FAM227B: variants seen among roughly 807,000 people sequenced by gnomAD.
FAM227B encodes the protein family with sequence similarity 227 member B.
Under a neutral mutation model 73.8 loss-of-function variants are expected in FAM227B, and 88 were observed. The ratio of observed to expected loss-of-function variants is 1.19; its 90% confidence interval spans 1.00 to 1.42. The LOEUF is 1.42. Among genes scored for constraint, FAM227B ranks in the 40% most tolerant of loss-of-function variants. The probability of loss-of-function intolerance (pLI) is 0.00; values close to 1 mark genes in which losing one functional copy is unlikely to be tolerated. For synonymous variants in FAM227B, 210 were observed against 190.5 expected, an observed-to-expected ratio of 1.10 and a Z score of -0.84; for missense variants, 632 against 590.9, an observed-to-expected ratio of 1.07 and a Z score of -0.72.
intron 11 of FAM227B, among the ~76,000 whole-genome samples, chr15:49,390,090 A>G (rs185265452): frequency 6.6e-6 from 1 of 152,186 alleles, no homozygotes; most frequent in Non-Finnish European, 1.5e-5. Flanking sequence ...GAAGATAAGT[A>G]TGAACACGGG....
intron 2 of FAM227B, among the ~76,000 whole-genome samples, chr15:49,613,706 TTGTA>T (rs1224915349): frequency 6.6e-6 from 1 of 152,152 alleles, no homozygotes; most frequent in Non-Finnish European, 1.5e-5. Flanking sequence ...TTATTATATA[TTGTA>T]TGTATCAAAA....
At chr15:49,405,541 T>C (rs932311079) in intron 11 of FAM227B, among the ~76,000 whole-genome samples, 2 of 152,192 alleles carry the variant, frequency 1.3e-5, no homozygotes, top group Non-Finnish European at 2.9e-5. Context: ...ATGTGGTCTA[T>C]TCTGTTATTA....
intron 10 of FAM227B, among the ~76,000 whole-genome samples, chr15:49,516,307 C>T (rs138868274): frequency 4.6e-5 from 7 of 152,056 alleles, no homozygotes; most frequent in South Asian, 2.1e-4. Context: ...CTCTTTTATC[C>T]GCACACTAAC....
intron 9 of FAM227B, among the ~76,000 whole-genome samples, chr15:49,549,720 T>C (rs1437033405): frequency 2.6e-5 from 4 of 152,078 alleles, no homozygotes; most frequent in East Asian, 1.9e-4. Context: ...TGTCTACCTC[T>C]TTCTACACAG....
At position 49,335,492 on chromosome 15, in the gene FAM227B, G is replaced by C. The variant is rs148287477; in HGVS notation, c.1276C>G (p.Pro426Ala). The C allele has an allele frequency of 6.8e-6, 11 of 1,612,072 alleles. No homozygotes were observed. The highest frequency in any genetic ancestry group is 9.3e-6 in the Non-Finnish European group (11 of 1,178,328). ...ATAACATCACGGTATGTTGGAGCAG[G>C]TAGTGTGCTAGGCTTATTATTAAGG... ...KLTKIFQEPL[P>A]APTYRDVIKE... Residue 426 changes from proline (P) to alanine (A), a missense_variant, in exon 14 of 16, where the codon CCT becomes GCT. By Grantham distance (27) the Pro-to-Ala change is conservative. Transcript: ENST00000299338.
intron 9 of FAM227B, among the ~76,000 whole-genome samples, chr15:49,542,168 G>C (rs1406243244): frequency 6.6e-6 from 1 of 151,940 alleles, no homozygotes; most frequent in Middle Eastern, 3.2e-3. Context: ...TACATGTGCA[G>C]GTTTCTTATA....
rs560479850 is a variant in FAM227B at position 49,589,630 on chromosome 15, T to G, written c.337+146A>C. On this transcript the variant is annotated intron_variant, in intron 4 of 15. Coordinates refer to ENST00000299338, the MANE Select transcript of FAM227B (RefSeq NM_152647.3). ...CTTTACTAACACAAAAAATAAGGAC[T>G]GGCCAGGTGCACTGGCTTATGCCTG... The G allele has an allele frequency of 1.3e-4, 76 of 597,980 alleles. 1 individual carries two copies. The East Asian group carries it at 2.2e-3, about 17-fold the overall frequency. 37.0% of individuals were successfully genotyped at this position (597,980 alleles called of 1,614,324 possible). A position where few individuals can be genotyped will look rare whatever the true frequency, so the allele number is the denominator to read the frequency against.
At chr15:49,615,832 A>G (rs2078255316) in intron 1 of FAM227B, among the ~76,000 whole-genome samples, 1 of 152,210 alleles carries the variant, frequency 6.6e-6, no homozygotes, top group South Asian at 2.1e-4. Context: ...CAAGAAATGG[A>G]CAAGGGAAGG....
In FAM227B at chr15:49,593,592, C is replaced by T. The variant is rs191470615; in HGVS notation, c.106-3585G>A. Among the ~76,000 whole-genome samples, 769 of 151,826 alleles carry T rather than the reference C, an allele frequency of 5.1e-3. 7 individuals carry two copies. The highest frequency in any genetic ancestry group is 0.018 in the African/African-American group (730 of 41,422). ...GTGTAGTCTTTTGTACCTCAACCCCCGAACCCTTCCCCCAAGTCCCCAAAG... is the reference window on the plus strand; with the variant it reads ...GTGTAGTCTTTTGTACCTCAACCCCTGAACCCTTCCCCCAAGTCCCCAAAG... On this transcript the variant is annotated intron_variant, in intron 3 of 15. Coordinates refer to ENST00000299338, the MANE Select transcript of FAM227B (RefSeq NM_152647.3).
intron 13 of FAM227B, among the ~76,000 whole-genome samples, chr15:49,356,216 AC>A (rs1362767629): frequency 2.0e-5 from 3 of 152,308 alleles, no homozygotes; most frequent in Non-Finnish European, 2.9e-5. Context: ...CATCATAATG[AC>A]AGGATCAAAT....
In FAM227B at chr15:49,371,302, C is replaced by G; in HGVS notation, c.1110G>C (p.Lys370Asn). 2 of 1,562,220 alleles carry G rather than the reference C, an allele frequency of 1.3e-6. No homozygotes were observed. Among genetic ancestry groups the G allele is most frequent in the Non-Finnish European group, 1.8e-6 (2 of 1,138,098 alleles). Residue 370 changes from lysine to asparagine, a missense_variant and splice_region_variant, in exon 12 of 16, where the codon AAG (lysine) becomes AAC (asparagine). Physicochemically the swap from Lys to Asn is moderately conservative, Grantham distance 94. Transcript: ENST00000299338. ...TTTTCATAATTATTATACTCCAAACCTTTGTTGCTAGTCTTGATAATCTTG... is the reference window on the plus strand; with the variant it reads ...TTTTCATAATTATTATACTCCAAACGTTTGTTGCTAGTCTTGATAATCTTG... ...EESRLSRLAT[K>N]SHYSSTGPEF...
chr15:49,614,796 C>A (rs77846978), intron 2 of FAM227B: 2 of 271,520 alleles, frequency 7.4e-6, no homozygotes, highest in Non-Finnish European at 1.4e-5. Flanking sequence ...CCAACTCCTC[C>A]TTCTTACCAC....
intron 9 of FAM227B, among the ~76,000 whole-genome samples, chr15:49,568,014 AC>A (rs1365113255): frequency 6.6e-6 from 1 of 152,076 alleles, no homozygotes; most frequent in Non-Finnish European, 1.5e-5. Flanking sequence ...TAATATGCAA[AC>A]AAAGTTCCTG....
chr15:49,581,630 T>C (rs1007584396), intron 5 of FAM227B, among the ~76,000 whole-genome samples: 16 of 152,294 alleles, frequency 1.1e-4, no homozygotes, highest in Non-Finnish European at 4.4e-5. Context: ...TTCAGTATTC[T>C]TAAAGAAAAG....
chr15:49,551,082 C>T (rs2072927004), intron 9 of FAM227B, among the ~76,000 whole-genome samples: 1 of 152,254 alleles, frequency 6.6e-6, no homozygotes, highest in Non-Finnish European at 1.5e-5. Flanking sequence ...GAGCTGGAGA[C>T]CAGCCCAGCC....
At chr15:49,393,095 A>G (rs1372991373) in intron 11 of FAM227B, among the ~76,000 whole-genome samples, 1 of 152,206 alleles carries the variant, frequency 6.6e-6, no homozygotes, top group Non-Finnish European at 1.5e-5. Flanking sequence ...TAATTTAAAC[A>G]TTTAAAACCT....
At chr15:49,593,952 G>T (rs191212003) in intron 3 of FAM227B, among the ~76,000 whole-genome samples, 1 of 152,218 alleles carries the variant, frequency 6.6e-6, no homozygotes, top group East Asian at 1.9e-4. Flanking sequence ...ATCTAATAGT[G>T]GGATTACTGG....
At chr15:49,496,993 T>A (rs999658543) in intron 11 of FAM227B, among the ~76,000 whole-genome samples, 21 of 151,708 alleles carry the variant, frequency 1.4e-4, no homozygotes, top group Admixed American at 1.1e-3. Flanking sequence ...AAATCATGAA[T>A]CCTAAACCAC....
At chr15:49,615,005 C>G (rs1257318695) in intron 2 of FAM227B, 116 bp downstream of exon 2, 1 of 917,408 alleles carries the variant, frequency 1.1e-6, no homozygotes, top group East Asian at 2.4e-5. Context: ...AGACCTAGAC[C>G]AAACCCTTGG....
Sources: gnomAD v4.1 joint callset for allele counts (sites outside exome capture counted in the v4.1 genomes callset) on GRCh38, gnomAD v4.1.1 for gene constraint, MANE v1.5 for transcripts, NCBI Gene and HGNC (gene_info 2026-07-23, HGNC 2026-07-21) for gene names.